Variants in CCDC171 observed in about 807,000 individuals in gnomAD.
The protein encoded by CCDC171 is coiled-coil domain containing 171, also known as coiled-coil domain-containing protein 171.
CCDC171 carries 177 observed loss-of-function variants against 168.2 expected under a neutral mutation model. The ratio of observed to expected loss-of-function variants is 1.05; its 90% CI spans 0.93 to 1.19. CCDC171 has a LOEUF of 1.19. Ranked by LOEUF, CCDC171 falls within the 50% of genes most tolerant of loss-of-function variation. CCDC171 has a pLI of 0.00. For missense variants in CCDC171, 1,991 were observed against 1,539.0 expected (o/e 1.29, Z -4.91); for synonymous variants, 687 against 540.8 (o/e 1.27, Z -3.75).
chr9:15,642,537 G>C lies in CCDC171; in HGVS notation c.823-14590G>C, dbSNP rs545212327. On this transcript the variant is annotated intron_variant, in intron 7 of 25. Coordinates refer to ENST00000380701, the MANE Select transcript of CCDC171 (RefSeq NM_173550.4). ...TGAGCAGCATGTTGATGTTCCTCTAGCACCCTCTGCTGGATTTGAGAATTA... is the reference window on the plus strand; with the variant it reads ...TGAGCAGCATGTTGATGTTCCTCTACCACCCTCTGCTGGATTTGAGAATTA... Among the ~76,000 whole-genome samples the C allele has an allele frequency of 2.0e-5, 3 of 151,552 alleles. No individual in the cohort carries two copies. The South Asian group carries it at 6.3e-4, about 32-fold the overall frequency.
At chr9:15,938,132 G>A (rs1172093181) in intron 25 of CCDC171, among the ~76,000 whole-genome samples, 1 of 151,792 alleles carries the variant, frequency 6.6e-6, no homozygotes, top group Non-Finnish European at 1.5e-5. Flanking sequence ...AGTCTTATGA[G>A]GGAAATGTTA....
chr9:15,734,168 A>G (rs536702261), intron 16 of CCDC171, among the ~76,000 whole-genome samples: 2 of 152,212 alleles, frequency 1.3e-5, no homozygotes, highest in Non-Finnish European at 2.9e-5. Flanking sequence ...AAGAATGTGT[A>G]ATACCTTAGT....
chr9:16,020,811 T>G (rs1321766746), intron 4 of CCDC171: 1 of 153,866 alleles, frequency 6.5e-6, no homozygotes, highest in South Asian at 2.0e-4. Flanking sequence ...ATTTTAAAAC[T>G]TATCAATTGT....
intron 25 of CCDC171, among the ~76,000 whole-genome samples, chr9:15,935,026 T>C (rs1463295352): frequency 1.3e-5 from 2 of 152,124 alleles, no homozygotes; most frequent in Non-Finnish European, 2.9e-5. Flanking sequence ...GGAGAATGAC[T>C]GCTTAACGCA....
downstream of CCDC171, among the ~76,000 whole-genome samples, chr9:15,977,536 A>C (rs1371774171): frequency 1.3e-5 from 2 of 152,226 alleles, 1 homozygote; most frequent in Non-Finnish European, 2.9e-5. Flanking sequence ...AGGCAACAGA[A>C]GCCCTACAAC....
intron 21 of CCDC171, among the ~76,000 whole-genome samples, chr9:15,837,287 C>T (rs1204156492): frequency 6.6e-6 from 1 of 152,120 alleles, no homozygotes; most frequent in Non-Finnish European, 1.5e-5. Context: ...CGATCTCGCT[C>T]ATTTAGAAGG....
In CCDC171 at chr9:15,905,587, A is replaced by G. The variant is rs535164308; in HGVS notation, c.3601-14683A>G. On this transcript the variant is annotated intron_variant, in intron 24 of 25. Transcript: ENST00000380701. ...AGAAAGCAGGAAAGATCTAAAATTG[A>G]CATCCTAACATCACAATTAAAAGAA... is the stretch of plus-strand genomic sequence containing the variant. Among the ~76,000 whole-genome samples, 11 of 152,340 alleles carry G rather than the reference A, an allele frequency of 7.2e-5. No homozygotes were observed. The South Asian group carries it at 2.3e-3, about 32-fold the overall frequency.
chr9:15,988,934 C>G lies in CCDC171; in HGVS notation n.369-31655C>G, dbSNP rs183999846. ...GTAGGTAAACAAAGCGGCCGGGAAG[C>G]TCGAACTGGGTGGAGCCCACCGCGG... is the stretch of plus-strand genomic sequence containing the variant. On this transcript the variant is annotated intron_variant and non_coding_transcript_variant, in intron 3 of 9. Coordinates refer to the CCDC171 transcript ENST00000486641. 6.9e-3 allele frequency among the ~76,000 whole-genome samples: 1,050 copies of G among 152,228 alleles called. 5 individuals are homozygous for G. Among genetic ancestry groups the G allele is most frequent in the Non-Finnish European group, 0.01 (703 of 68,022 alleles).
At chr9:15,828,366 G>A (rs1211322461) in intron 21 of CCDC171, among the ~76,000 whole-genome samples, 4 of 151,142 alleles carry the variant, frequency 2.6e-5, no homozygotes, top group African/African-American at 7.3e-5. Flanking sequence ...AAAGTGATAC[G>A]TGAAGAATTT....
intron 7 of CCDC171, among the ~76,000 whole-genome samples, chr9:15,628,650 C>A (rs1200431822): frequency 6.6e-6 from 1 of 152,158 alleles, no homozygotes; most frequent in African/African-American, 2.4e-5. Context: ...CTTAAATGTC[C>A]CTGTCTGACA....
rs114820204 is a variant in CCDC171, at chr9:15,586,996, A to G, written c.353-4370A>G. 9.5e-3 allele frequency among the ~76,000 whole-genome samples: 1,441 copies of G among 152,126 alleles called. 24 individuals are homozygous for G. Among genetic ancestry groups the G allele is most frequent in the African/African-American group, 0.033 (1,374 of 41,488 alleles). On this transcript the variant is annotated intron_variant, in intron 4 of 25. Coordinates refer to ENST00000380701, the MANE Select transcript of CCDC171 (RefSeq NM_173550.4). ...CTAATTAAAAAAAATTTTTTTTTGT[A>G]GAGACTAGGTCTTGCCATGTTGACC... is the stretch of plus-strand genomic sequence containing the variant.
At chr9:15,814,573 A>C (rs1465319308) in intron 21 of CCDC171, among the ~76,000 whole-genome samples, 1 of 152,114 alleles carries the variant, frequency 6.6e-6, no homozygotes, top group Non-Finnish European at 1.5e-5. Context: ...ATCATTTGGG[A>C]TTGAAATACA....
chr9:15,778,942 A>T lies in CCDC171; in HGVS notation c.2899-26A>T, dbSNP rs759066379. ...GTTAGTAAATCTGTAGTTACTGTTT[A>T]TAAAATTGCTCTTGTTTAACAACAG... On this transcript the variant is annotated intron_variant, in intron 19 of 25. Coordinates refer to ENST00000380701, the MANE Select transcript of CCDC171 (RefSeq NM_173550.4). The T allele has an allele frequency of 3.5e-6, 5 of 1,433,672 alleles. No individual in the cohort carries two copies. The Admixed American group carries it at 1.1e-4, about 30-fold the overall frequency. 88.8% of individuals were successfully genotyped at this position (1,433,672 alleles called of 1,614,324 possible).
intron 20 of CCDC171, among the ~76,000 whole-genome samples, chr9:15,779,954 A>G (rs2057573658): frequency 6.6e-6 from 1 of 152,230 alleles, no homozygotes; most frequent in Admixed American, 6.5e-5. Context: ...ACATAGAGTT[A>G]AAAGATTACC....
At chr9:15,686,951 G>T (rs1488948773) in intron 10 of CCDC171, among the ~76,000 whole-genome samples, 1 of 152,140 alleles carries the variant, frequency 6.6e-6, no homozygotes, top group East Asian at 1.9e-4. Flanking sequence ...AGCAAAAGAA[G>T]ATACATTCTT....
At chr9:15,569,843 AAAC>A (rs1275192367) in intron 2 of CCDC171, among the ~76,000 whole-genome samples, 2 of 65,864 alleles carry the variant, frequency 3.0e-5, no homozygotes, top group African/African-American at 5.3e-5. Flanking sequence ...AAAAACAAAC[AAAC>A]AAAAAAAAAA....
At chr9:15,600,298 G>A (rs1326590654) in intron 6 of CCDC171, among the ~76,000 whole-genome samples, 1 of 152,178 alleles carries the variant, frequency 6.6e-6, no homozygotes, top group Non-Finnish European at 1.5e-5. Context: ...TGATGGTGAT[G>A]TACAGATGGG....
At chr9:15,899,873 T>C (rs902084671) in intron 24 of CCDC171, among the ~76,000 whole-genome samples, 4 of 152,202 alleles carry the variant, frequency 2.6e-5, no homozygotes, top group Non-Finnish European at 5.9e-5. Flanking sequence ...GTTCAGTTTA[T>C]TGTTTTTTTC....
intron 25 of CCDC171, among the ~76,000 whole-genome samples, chr9:15,959,470 C>G (rs1830137905): frequency 1.3e-5 from 2 of 152,018 alleles, no homozygotes; most frequent in Non-Finnish European, 1.5e-5. Flanking sequence ...ACAGCGAAGT[C>G]TGAAGAGATG....
Sources: gnomAD v4.1 joint callset for allele counts (sites outside exome capture counted in the v4.1 genomes callset) on GRCh38, gnomAD v4.1.1 for gene constraint, MANE v1.5 for transcripts, NCBI Gene and HGNC (gene_info 2026-07-23, HGNC 2026-07-21) for gene names.